JAKMIP1: variants seen among roughly 807,000 people sequenced by gnomAD.
The protein encoded by JAKMIP1 is janus kinase and microtubule-interacting protein 1.
Under a neutral mutation model 113.0 loss-of-function variants are expected in JAKMIP1, and 33 were observed. The ratio of observed to expected loss-of-function variants is 0.29; its 90% CI spans 0.22 to 0.39. The LOEUF is 0.39. Ranked by LOEUF, JAKMIP1 falls within the 10% of genes least tolerant of loss-of-function variation. The pLI is 1.00. For synonymous variants in JAKMIP1, 480 were observed against 459.9 expected, an observed-to-expected ratio of 1.04 and a Z score of -0.56; for missense variants, 813 against 1,080.5, an observed-to-expected ratio of 0.75 and a Z score of 3.47.
chr4:6,169,978 A>G (rs931920184), intron 1 of JAKMIP1, among the ~76,000 whole-genome samples: 83 of 116,172 alleles, frequency 7.1e-4, no homozygotes, highest in Non-Finnish European at 1.0e-3. Context: ...CACCACCACC[A>G]CTACCACCAC....
chr4:6,060,477 T>G lies in JAKMIP1; in HGVS notation c.1591A>C (p.Arg531=), dbSNP rs533103526. 1.2e-6 allele frequency: 2 copies of G among 1,614,066 alleles called. No individual in the cohort carries two copies. The highest frequency in any genetic ancestry group is 2.2e-5 in the East Asian group (1 of 44,876). ...AAATCTTCGATTTTGGCCTGACACC[T>G]CAGCAGATCAGCTTGTAGCTGCTCC... ...TREQLQADLL[R]CQAKIEDLEK... Residue 531 remains arginine, a synonymous_variant, in exon 11 of 21, where the codon AGG becomes CGG. Transcript: ENST00000409021.
chr4:6,047,946 AAGTC>A (rs1299971289), intron 16 of JAKMIP1, among the ~76,000 whole-genome samples: 5 of 152,252 alleles, frequency 3.3e-5, no homozygotes, highest in African/African-American at 1.2e-4. Context: ...GCACTCAGAG[AAGTC>A]AGTAAGAAAG....
chr4:6,170,043 A>C, intron 1 of JAKMIP1, among the ~76,000 whole-genome samples: 1 of 107,060 alleles, frequency 9.3e-6, no homozygotes, highest in Admixed American at 1.1e-4. Context: ...CACCACCACC[A>C]CCACCATCAC....
At position 6,113,711 on chromosome 4, in the gene JAKMIP1, G is replaced by A. The variant is rs73795730; in HGVS notation, c.-147-714C>T. ...CCTAATCACCGCCCCAAGCTGCCTCGGAAAGCCCGCCTCTGCTCTCCCTTC... is the reference window on the plus strand; with the variant it reads ...CCTAATCACCGCCCCAAGCTGCCTCAGAAAGCCCGCCTCTGCTCTCCCTTC... On this transcript the variant is annotated intron_variant, in intron 1 of 20. Coordinates refer to ENST00000409021, the MANE Select transcript of JAKMIP1 (RefSeq NM_001099433.2). Among the ~76,000 whole-genome samples the A allele has an allele frequency of 3.8e-3, 583 of 152,298 alleles. 5 individuals are homozygous for A. The highest frequency in any genetic ancestry group is 0.013 in the African/African-American group (535 of 41,560).
rs745353291 is a variant in JAKMIP1 at position 6,081,749 on chromosome 4, G to A, written c.961C>T (p.Arg321Cys). 1.1e-5 allele frequency: 17 copies of A among 1,614,008 alleles called. No individual in the cohort carries two copies. Among genetic ancestry groups the A allele is most frequent in the Admixed American group, 1.7e-5 (1 of 59,988 alleles). ...LADERNELLK[R>C]SRETEVQLKP... is the part of the protein sequence containing the mutation. ...AGCTGAACCTCGGTCTCTCGTGAGCGTTTCAGCTGTGGTTGGAAACAGACA... is the reference window on the plus strand; with the variant it reads ...AGCTGAACCTCGGTCTCTCGTGAGCATTTCAGCTGTGGTTGGAAACAGACA... The change falls in exon 6 of 21, where the codon CGC becomes TGC. Residue 321 changes from arginine to cysteine, a missense_variant. This residue lies in a region of JAKMIP1 where 540 missense variants were observed against 653.9 expected (regional missense o/e 0.83). Transcript: ENST00000409021. The surrounding 1 kb of genome is among the most constrained non-coding windows in gnomAD (Gnocchi z 4.6).
intron 1 of JAKMIP1, among the ~76,000 whole-genome samples, chr4:6,196,145 C>T (rs2109068839): frequency 1.3e-5 from 2 of 152,342 alleles, no homozygotes; most frequent in Non-Finnish European, 2.9e-5. Context: ...CTCTGAACTG[C>T]CTCTAGGTGC....
In JAKMIP1 at chr4:6,185,385, C is replaced by T. The variant is rs1459025281; in HGVS notation, c.-148+14868G>A. ...CCCAGGGGCCGGGCACGGTGGCTCA[C>T]GCCTGTAATCCCAGCACTTTGGGAG... On this transcript the variant is annotated intron_variant, in intron 1 of 20. Transcript: ENST00000409021. This position sits in a 1 kb window ranked among gnomAD's most constrained non-coding sequence, Gnocchi z 5.3. Among the ~76,000 whole-genome samples, 2 of 152,080 alleles carry T rather than the reference C, an allele frequency of 1.3e-5. No individual in the cohort carries two copies. Among genetic ancestry groups the T allele is most frequent in the Non-Finnish European group, 2.9e-5 (2 of 68,018 alleles).
intron 1 of JAKMIP1, among the ~76,000 whole-genome samples, chr4:6,171,225 C>A (rs1267075361): frequency 2.0e-5 from 3 of 151,334 alleles, no homozygotes; most frequent in Admixed American, 2.0e-4. Context: ...ACCACCACCA[C>A]CATTCCCACT....
rs1722047904 is a variant in JAKMIP1, at chr4:6,154,932, C to T, written c.-147-41935G>A. ...ACTCCACAAACCAACACAGAGCACG[C>T]AGGGAAAGGTGCGGGGTAGGGTGGG... On this transcript the variant is annotated intron_variant, in intron 1 of 20. Coordinates refer to ENST00000409021, the MANE Select transcript of JAKMIP1 (RefSeq NM_001099433.2). The surrounding 1 kb of genome is among the most constrained non-coding windows in gnomAD (Gnocchi z 4.2). 6.6e-6 allele frequency among the ~76,000 whole-genome samples: 1 copy of T among 152,130 alleles called. No individual in the cohort carries two copies. Among genetic ancestry groups the T allele is most frequent in the Non-Finnish European group, 1.5e-5 (1 of 68,034 alleles).
Position 6,044,183 on chromosome 4 carries a change from C to T in JAKMIP1, c.2029-1956G>A, listed in dbSNP as rs1047675922. 1.5e-5 allele frequency among the ~76,000 whole-genome samples: 2 copies of T among 129,352 alleles called. No homozygotes were observed. The highest frequency in any genetic ancestry group is 8.8e-5 in the African/African-American group (2 of 22,614). The allele number at this position is 129,352 out of a possible 152,430, so 84.9% of individuals were successfully genotyped here. On this transcript the variant is annotated intron_variant, in intron 16 of 20. Transcript: ENST00000409021. The surrounding 1 kb of genome is among the most constrained non-coding windows in gnomAD (Gnocchi z 4.4). ...GTGAATGCCGGGTCGTAGCACTCAC[C>T]TGACAGCGCTGTTGTCTGTTTCACC...
chr4:6,097,460 A>AG lies in JAKMIP1; in HGVS notation c.624+8012dup, dbSNP rs1398876468. Among the ~76,000 whole-genome samples the AG allele has an allele frequency of 2.0e-5, 3 of 152,282 alleles. No homozygotes were observed. The highest frequency in any genetic ancestry group is 4.8e-5 in the African/African-American group (2 of 41,568). On this transcript the variant is annotated intron_variant, in intron 3 of 20. Coordinates refer to ENST00000409021, the MANE Select transcript of JAKMIP1 (RefSeq NM_001099433.2). This position sits in a 1 kb window ranked among gnomAD's most constrained non-coding sequence, Gnocchi z 4.3. ...AGCTCTATCACAGCTGATGGGGGCT[A>AG]GGGGGATCTTTTTTCCCCTTGGGTA... is the stretch of plus-strand genomic sequence containing the variant.
At position 6,156,180 on chromosome 4, in the gene JAKMIP1, C is replaced by T. The variant is rs903724354; in HGVS notation, c.-147-43183G>A. 3.3e-5 allele frequency among the ~76,000 whole-genome samples: 5 copies of T among 152,242 alleles called. No homozygotes were observed. Among genetic ancestry groups the T allele is most frequent in the African/African-American group, 1.2e-4 (5 of 41,452 alleles). ...CCGGGAACATCTTCTCACCGTACCA[C>T]GCCCGGCACAGAGCCAGCCAGCCAC... is the stretch of plus-strand genomic sequence containing the variant. On this transcript the variant is annotated intron_variant, in intron 1 of 20. Coordinates refer to ENST00000409021, the MANE Select transcript of JAKMIP1 (RefSeq NM_001099433.2). The surrounding 1 kb of genome is among the most constrained non-coding windows in gnomAD (Gnocchi z 5.0).
At chr4:6,132,026 T>C (rs1029829211) in intron 1 of JAKMIP1, among the ~76,000 whole-genome samples, 1 of 152,218 alleles carries the variant, frequency 6.6e-6, no homozygotes, top group Non-Finnish European at 1.5e-5. Context: ...GGAAGAATTT[T>C]AGAGAAGGAA....
chr4:6,076,833 G>C lies in JAKMIP1; in HGVS notation c.1302+2106C>G, dbSNP rs149994543. On this transcript the variant is annotated intron_variant, in intron 8 of 20. Coordinates refer to ENST00000409021, the MANE Select transcript of JAKMIP1 (RefSeq NM_001099433.2). The surrounding 1 kb of genome is among the most constrained non-coding windows in gnomAD (Gnocchi z 4.8). ...TATAATACATAGCCTGAAGGGAATTGTATATAATATTTTAAATAATTTTGT... is the reference window on the plus strand; with the variant it reads ...TATAATACATAGCCTGAAGGGAATTCTATATAATATTTTAAATAATTTTGT... Among the ~76,000 whole-genome samples the C allele has an allele frequency of 3.6e-3, 555 of 152,268 alleles. 7 individuals carry two copies. Among genetic ancestry groups the C allele is most frequent in the African/African-American group, 0.013 (536 of 41,544 alleles).
At chr4:6,053,497 C>T (rs1327187282) in intron 13 of JAKMIP1, among the ~76,000 whole-genome samples, 2 of 152,204 alleles carry the variant, frequency 1.3e-5, no homozygotes, top group East Asian at 3.8e-4. Context: ...TCTACCCTGT[C>T]TTTACTTACC....
Position 6,097,290 on chromosome 4 carries a change from C to T in JAKMIP1, c.624+8183G>A, listed in dbSNP as rs1351074152. Among the ~76,000 whole-genome samples, 2 of 152,252 alleles carry T rather than the reference C, an allele frequency of 1.3e-5. No homozygotes were observed. Among genetic ancestry groups the T allele is most frequent in the Non-Finnish European group, 2.9e-5 (2 of 68,052 alleles). On this transcript the variant is annotated intron_variant, in intron 3 of 20. Coordinates refer to ENST00000409021, the MANE Select transcript of JAKMIP1 (RefSeq NM_001099433.2). This position sits in a 1 kb window ranked among gnomAD's most constrained non-coding sequence, Gnocchi z 4.3. Reference sequence around the variant, plus strand: ...GGGATTACAGTCATGAGCCATCTCGCCCCGTTCTGACTCTGAATTTATATG... The same window carrying T: ...GGGATTACAGTCATGAGCCATCTCGTCCCGTTCTGACTCTGAATTTATATG...
At chr4:6,182,993 G>T (rs971869851) in intron 1 of JAKMIP1, among the ~76,000 whole-genome samples, 1 of 152,174 alleles carries the variant, frequency 6.6e-6, no homozygotes, top group African/African-American at 2.4e-5. Context: ...CCTTCCTCCC[G>T]CTCAGCTCAG....
intron 1 of JAKMIP1, among the ~76,000 whole-genome samples, chr4:6,120,222 C>T (rs1716502714): frequency 6.6e-6 from 1 of 150,702 alleles, no homozygotes; most frequent in South Asian, 2.1e-4. Context: ...TTAATGAGCC[C>T]TTAGGAAAAA....
Position 6,106,329 on chromosome 4 carries a change from A to C in JAKMIP1, c.130-362T>G, listed in dbSNP as rs1713942469. Among the ~76,000 whole-genome samples, 1 of 152,182 alleles carries C rather than the reference A, an allele frequency of 6.6e-6. No individual in the cohort carries two copies. Among genetic ancestry groups the C allele is most frequent in the Non-Finnish European group, 1.5e-5 (1 of 68,020 alleles). On this transcript the variant is annotated intron_variant, in intron 2 of 20. Transcript: ENST00000409021. The surrounding 1 kb of genome is among the most constrained non-coding windows in gnomAD (Gnocchi z 5.9). ...AGACCCAAAAGATTGTAAACCAGAAATATATTTCCAGGGCCCCATGCGCGG... is the reference window on the plus strand; with the variant it reads ...AGACCCAAAAGATTGTAAACCAGAACTATATTTCCAGGGCCCCATGCGCGG...
Sources: gnomAD v4.1 joint callset for allele counts (sites outside exome capture counted in the v4.1 genomes callset) on GRCh38, gnomAD v4.1.1 for gene constraint, gnomAD v4.1.1 regional missense constraint, Gnocchi (gnomAD v3.1) non-coding constraint, MANE v1.5 for transcripts, NCBI Gene and HGNC (gene_info 2026-07-23, HGNC 2026-07-21) for gene names.